The following PXDNL variants were observed in gnomAD, a reference collection of about 807,000 sequenced individuals.
PXDNL encodes the protein peroxidasin like, also known as probable oxidoreductase PXDNL.
A neutral mutation model predicts 150.8 loss-of-function variants in PXDNL; 145 were observed. The ratio of observed to expected loss-of-function variants is 0.96; its 90% confidence interval spans 0.84 to 1.10. The LOEUF (loss-of-function observed/expected upper bound fraction) is 1.10, where lower values mean the gene tolerates loss of function less well. Ranked by LOEUF, PXDNL falls within the 50% of genes least tolerant of loss-of-function variation. The pLI is 0.00. For missense variants in PXDNL, 2,087 were observed against 1,873.9 expected, an observed-to-expected ratio of 1.11 and a Z score of -2.10; for synonymous variants, 757 against 725.7, an observed-to-expected ratio of 1.04 and a Z score of -0.69.
chr8:51,590,558 G>C (rs1159157963), intron 3 of PXDNL, among the ~76,000 whole-genome samples: 3 of 152,192 alleles, frequency 2.0e-5, no homozygotes, highest in Non-Finnish European at 2.9e-5. Flanking sequence ...GTGGCAAATG[G>C]AGTAAATGAT....
chr8:51,591,219 C>CT (rs976138725), intron 3 of PXDNL, among the ~76,000 whole-genome samples: 5 of 152,216 alleles, frequency 3.3e-5, no homozygotes, highest in East Asian at 1.9e-4. Flanking sequence ...GCCAAATAAA[C>CT]TTTTTTTAAA....
At chr8:51,559,400 C>T (rs1435870357) in intron 3 of PXDNL, among the ~76,000 whole-genome samples, 3 of 141,242 alleles carry the variant, frequency 2.1e-5, no homozygotes, top group Non-Finnish European at 4.6e-5. Context: ...TTCATTAACA[C>T]CAGTCACACA....
At chr8:51,354,835 G>A (rs1410206118) in intron 19 of PXDNL, among the ~76,000 whole-genome samples, 1 of 151,700 alleles carries the variant, frequency 6.6e-6, no homozygotes, top group Non-Finnish European at 1.5e-5. Flanking sequence ...CTTATGAGAG[G>A]GTTATTTTCA....
chr8:51,435,335 A>C (rs1341013967), intron 12 of PXDNL, among the ~76,000 whole-genome samples: 4 of 149,810 alleles, frequency 2.7e-5, no homozygotes, highest in African/African-American at 9.8e-5. Flanking sequence ...AACTAAAAAA[A>C]AAAAGTCCTC....
chr8:51,411,144 A>T (rs1017575571), intron 16 of PXDNL, 106 bp downstream of exon 16: 1 of 976,722 alleles, frequency 1.0e-6, no homozygotes, highest in Non-Finnish European at 1.4e-6. Context: ...ATTAATTTCT[A>T]AATCCCATGA....
intron 2 of PXDNL, among the ~76,000 whole-genome samples, chr8:51,620,274 T>C (rs1439909288): frequency 6.6e-6 from 1 of 152,298 alleles, no homozygotes; most frequent in Non-Finnish European, 1.5e-5. Context: ...AGTAATTTTC[T>C]ATATTTTGAA....
intron 21 of PXDNL, among the ~76,000 whole-genome samples, chr8:51,328,947 G>C (rs1805597722): frequency 6.6e-6 from 1 of 152,108 alleles, no homozygotes; most frequent in South Asian, 2.1e-4. Context: ...AAAACAAACT[G>C]GGAAAAGGGA....
intron 3 of PXDNL, among the ~76,000 whole-genome samples, chr8:51,579,275 CATT>C (rs1813154945): frequency 6.6e-6 from 1 of 151,954 alleles, no homozygotes; most frequent in South Asian, 2.1e-4. Context: ...CCCACAATCT[CATT>C]AGAAGTTAAG....
chr8:51,411,019 C>G (rs748926300), intron 16 of PXDNL, among the ~76,000 whole-genome samples: 2 of 152,166 alleles, frequency 1.3e-5, no homozygotes, highest in Non-Finnish European at 2.9e-5. Flanking sequence ...GATTTGTTCT[C>G]TATACATATA....
rs534857696 is a variant in PXDNL, at chr8:51,592,783, T to G, written c.237-85A>C. On this transcript the variant is annotated intron_variant, in intron 2 of 22. Transcript: ENST00000356297. ...AAATAGTTCTGCTAAGTATAGTGCT[T>G]TACACAACAGAAAAATATTTACTGA... 1.1e-5 allele frequency: 10 copies of G among 875,110 alleles called. No homozygotes were observed. The African/African-American group carries it at 1.8e-4, about 15-fold the overall frequency. The allele number at this position is 875,110 out of a possible 1,614,324, so 54.2% of individuals were successfully genotyped here.
intron 2 of PXDNL, among the ~76,000 whole-genome samples, chr8:51,631,011 C>T (rs767062893): frequency 2.0e-5 from 3 of 151,926 alleles, no homozygotes; most frequent in Admixed American, 6.6e-5. Context: ...TTCATAACAA[C>T]GAAGACACAG....
rs1400843241 is a variant in PXDNL, at chr8:51,598,667, T to A, written c.237-5969A>T. ...TAGTATTTTGTTGAGGAATTTTATA[T>A]CTATGTTCATCAGGGATATTGGCCT... On this transcript the variant is annotated intron_variant, in intron 2 of 22. Transcript: ENST00000356297. Among the ~76,000 whole-genome samples the A allele has an allele frequency of 2.0e-5, 3 of 152,218 alleles. No individual in the cohort carries two copies. In the East Asian group the frequency reaches 5.8e-4, roughly 29 times the overall value.
intron 11 of PXDNL, among the ~76,000 whole-genome samples, chr8:51,448,470 C>T (rs901980701): frequency 2.6e-5 from 4 of 152,082 alleles, no homozygotes; most frequent in Non-Finnish European, 5.9e-5. Context: ...TTTGGGAGGC[C>T]GAGGCGGGCG....
intron 19 of PXDNL, among the ~76,000 whole-genome samples, chr8:51,346,639 C>T (rs557559956): frequency 5.8e-4 from 88 of 152,248 alleles, no homozygotes; most frequent in Non-Finnish European, 9.9e-4. Flanking sequence ...GGCTCCCTCA[C>T]GTCTTTGTGC....
At position 51,809,410 on chromosome 8, in the gene PXDNL, A is replaced by T. The variant is rs2037712159; in HGVS notation, c.-66T>A. ...GGAGAGCAGCAGCTGCAGCTGCAGCAGCAACCGCAGTGGTGGTGATGGTGG... is the reference window on the plus strand; with the variant it reads ...GGAGAGCAGCAGCTGCAGCTGCAGCTGCAACCGCAGTGGTGGTGATGGTGG... On this transcript the variant is annotated 5_prime_UTR_variant, in exon 1 of 23. Coordinates refer to ENST00000356297, the MANE Select transcript of PXDNL (RefSeq NM_144651.5). 2 of 1,418,878 alleles carry T rather than the reference A, an allele frequency of 1.4e-6. No homozygotes were observed. Among genetic ancestry groups the T allele is most frequent in the Middle Eastern group, 2.6e-4 (1 of 3,868 alleles). 87.9% of individuals were successfully genotyped at this position (1,418,878 alleles called of 1,614,324 possible).
chr8:51,553,075 G>A (rs749231469), intron 4 of PXDNL, among the ~76,000 whole-genome samples: 3 of 152,216 alleles, frequency 2.0e-5, no homozygotes, highest in Non-Finnish European at 4.4e-5. Flanking sequence ...ATCCAACAGG[G>A]TGAATAACAT....
intron 1 of PXDNL, among the ~76,000 whole-genome samples, chr8:51,673,708 T>C (rs1815548762): frequency 6.6e-6 from 1 of 152,126 alleles, no homozygotes; most frequent in African/African-American, 2.4e-5. Context: ...GAATCTATAA[T>C]CCCTTAACTG....
intron 1 of PXDNL, among the ~76,000 whole-genome samples, chr8:51,680,816 T>C (rs1267008239): frequency 6.6e-6 from 1 of 151,698 alleles, no homozygotes; most frequent in Non-Finnish European, 1.5e-5. Flanking sequence ...CTCATAGGAC[T>C]GTTGTGAAGA....
At position 51,408,914 on chromosome 8, in the gene PXDNL, C is replaced by G. The variant is rs1385692259; in HGVS notation, c.2710G>C (p.Glu904Gln). Residue 904 changes from glutamate to glutamine, a missense_variant, in exon 17 of 23, where the codon GAG becomes CAG. By Grantham distance (29) the Glu-to-Gln change is conservative. Coordinates refer to ENST00000356297, the MANE Select transcript of PXDNL (RefSeq NM_144651.5). ...TCTCTGAGAGCCTGGGATTCCCGCT[C>G]CGAGCTCCCGTAAACGTTGGAGCCA... Reference protein sequence around the residue: ...IDGSNVYGSSERESQALRDPS... With the variant: ...IDGSNVYGSSQRESQALRDPS... The G allele has an allele frequency of 9.9e-6, 16 of 1,610,198 alleles. No individual in the cohort carries two copies. The highest frequency in any genetic ancestry group is 1.3e-5 in the Non-Finnish European group (15 of 1,178,582).
Sources: gnomAD v4.1 joint callset for allele counts (sites outside exome capture counted in the v4.1 genomes callset) on GRCh38, gnomAD v4.1.1 for gene constraint, MANE v1.5 for transcripts, NCBI Gene and HGNC (gene_info 2026-07-23, HGNC 2026-07-21) for gene names.